The following ANO4 variants were observed in gnomAD, a reference collection of about 807,000 sequenced individuals.
The protein encoded by ANO4 is anoctamin 4.
ANO4 carries 69 observed loss-of-function variants against 141.9 expected under a neutral mutation model. That is an observed-to-expected ratio of 0.49 (90% CI 0.40 to 0.59). The LOEUF (loss-of-function observed/expected upper bound fraction) is 0.59, where lower values mean the gene tolerates loss of function less well. ANO4 is among the 20% of genes least tolerant of loss of function. The probability of loss-of-function intolerance (pLI) is 0.00; values close to 1 mark genes in which losing one functional copy is unlikely to be tolerated. For missense variants in ANO4, 894 were observed against 1,162.2 expected, an observed-to-expected ratio of 0.77 and a Z score of 3.36; for synonymous variants, 350 against 394.3, an observed-to-expected ratio of 0.89 and a Z score of 1.33.
At chr12:100,914,390 A>G (rs995874882) in intron 2 of ANO4, among the ~76,000 whole-genome samples, 4 of 152,252 alleles carry the variant, frequency 2.6e-5, no homozygotes, top group African/African-American at 9.6e-5. Context: ...TTGAGGGAAT[A>G]GCTTTAGCCT....
chr12:101,094,566 T>C (rs1329577829), intron 18 of ANO4, among the ~76,000 whole-genome samples: 1 of 152,220 alleles, frequency 6.6e-6, no homozygotes, highest in East Asian at 1.9e-4. Flanking sequence ...ATTACAAAAG[T>C]ACATTTGTAT....
chr12:101,010,455 GT>G (rs2046039067), intron 8 of ANO4, among the ~76,000 whole-genome samples: 1 of 152,100 alleles, frequency 6.6e-6, no homozygotes, highest in Non-Finnish European at 1.5e-5. Context: ...TTACCAAATA[GT>G]CAGAACTTTC....
chr12:100,982,811 T>G (rs900796980), intron 7 of ANO4, among the ~76,000 whole-genome samples: 5 of 152,252 alleles, frequency 3.3e-5, no homozygotes, highest in African/African-American at 1.2e-4. Flanking sequence ...CTAAAGGTTA[T>G]CATTAATTCA....
In ANO4 at chr12:100,971,516, G is replaced by A. The variant is rs947988222; in HGVS notation, c.557+110G>A. 8.0e-5 allele frequency: 55 copies of A among 690,184 alleles called. 1 individual carries two copies. Among genetic ancestry groups the A allele is most frequent in the African/African-American group, 1.8e-5 (1 of 55,442 alleles). 42.8% of individuals were successfully genotyped at this position (690,184 alleles called of 1,614,324 possible). On this transcript the variant is annotated intron_variant, in intron 6 of 27. Coordinates refer to ENST00000392977, the MANE Select transcript of ANO4 (RefSeq NM_001286615.2). ...AAATGCAGATTGGAAGGCCATTAGA[G>A]GAGGGAATCTTTCAAATGTTTAGGA...
At position 101,049,131 on chromosome 12, in the gene ANO4, C is replaced by A. The variant is rs146923427; in HGVS notation, c.1312+730C>A. ...GAAGATTCATGGAAGAGTAAGTGAA[C>A]AACGAGGAGAGACAAACTTTATGCT... On this transcript the variant is annotated intron_variant, in intron 14 of 27. Transcript: ENST00000392977. 4.0e-4 allele frequency among the ~76,000 whole-genome samples: 61 copies of A among 152,272 alleles called. No homozygotes were observed. In the East Asian group the frequency reaches 9.4e-3, roughly 24 times the overall value.
At chr12:100,761,306 C>T (rs2032848126) in intron 3 of ANO4, among the ~76,000 whole-genome samples, 1 of 152,068 alleles carries the variant, frequency 6.6e-6, no homozygotes, top group African/African-American at 2.4e-5. Context: ...TTAGGGGTCC[C>T]CAAGACCACT....
intron 1 of ANO4, among the ~76,000 whole-genome samples, chr12:100,891,932 T>G (rs1040439634): frequency 2.0e-5 from 3 of 152,216 alleles, no homozygotes; most frequent in African/African-American, 7.2e-5. Context: ...CCCCAGCTTT[T>G]GGTAACCGCC....
intron 3 of ANO4, among the ~76,000 whole-genome samples, chr12:100,757,073 A>C (rs549085224): frequency 1.3e-5 from 2 of 152,132 alleles, no homozygotes; most frequent in South Asian, 4.1e-4. Context: ...TGTTAGTCTG[A>C]CGGTTTTTAA....
Position 101,103,180 on chromosome 12 carries a change from ATTT to A in ANO4, c.2149+3462_2149+3464del, listed in dbSNP as rs879556849. 7.8e-3 allele frequency among the ~76,000 whole-genome samples: 151 copies of A among 19,274 alleles called. 1 individual carries two copies. The highest frequency in any genetic ancestry group is 0.033 in the African/African-American group (144 of 4,412). The allele number at this position is 19,274 out of a possible 152,430, so 12.6% of individuals were successfully genotyped here. On this transcript the variant is annotated intron_variant, in intron 22 of 27. Coordinates refer to ENST00000392977, the MANE Select transcript of ANO4 (RefSeq NM_001286615.2). ...TAACTTTACATTTTCCTTTTTAGTC[ATTT>A]TATATATATATATATATATATATAT...
At chr12:100,950,324 A>C (rs1210529295) in intron 5 of ANO4, among the ~76,000 whole-genome samples, 2 of 152,188 alleles carry the variant, frequency 1.3e-5, no homozygotes, top group African/African-American at 4.8e-5. Context: ...TGTATTACCA[A>C]GGGTCTCAAG....
chr12:100,723,787 T>C (rs2136744326), intron 1 of ANO4, among the ~76,000 whole-genome samples: 1 of 152,250 alleles, frequency 6.6e-6, no homozygotes, highest in South Asian at 2.1e-4. Flanking sequence ...AAATGCCCCA[T>C]CCCCAAATAC....
chr12:101,083,917 T>G (rs2049381990), intron 16 of ANO4, 99 bp downstream of exon 16: 4 of 1,202,094 alleles, frequency 3.3e-6, no homozygotes, highest in Non-Finnish European at 3.3e-6. Flanking sequence ...ACAAAATATT[T>G]TTGCACTTTG....
chr12:100,966,134 C>A (rs1031952457), intron 5 of ANO4, among the ~76,000 whole-genome samples: 1 of 152,132 alleles, frequency 6.6e-6, no homozygotes, highest in Non-Finnish European at 1.5e-5. Flanking sequence ...TTCCAAAATA[C>A]TGGTTTCTTA....
chr12:100,855,185 G>T (rs1004315974), intron 1 of ANO4, among the ~76,000 whole-genome samples: 5 of 151,996 alleles, frequency 3.3e-5, no homozygotes, highest in Non-Finnish European at 5.9e-5. Context: ...TGTTGTATTT[G>T]CATGCATCAT....
intron 14 of ANO4, among the ~76,000 whole-genome samples, chr12:101,069,905 T>C (rs1245719079): frequency 6.6e-6 from 1 of 152,118 alleles, no homozygotes; most frequent in Non-Finnish European, 1.5e-5. Flanking sequence ...GCTCCTTCCA[T>C]AGTGTCTGTG....
At position 100,733,854 on chromosome 12, in the gene ANO4, A is replaced by G. The variant is rs921318583; in HGVS notation, c.103A>G (p.Ile35Val). 50 of 701,192 alleles carry G rather than the reference A, an allele frequency of 7.1e-5. No individual in the cohort carries two copies. In the African/African-American group the frequency reaches 8.2e-4, roughly 12 times the overall value. 43.4% of individuals were successfully genotyped at this position (701,192 alleles called of 1,614,324 possible). The change falls in exon 2 of 30, where the codon ATA becomes GTA. Residue 35 changes from isoleucine to valine, a missense_variant. Transcript: ENST00000644049. ...CTACAGTTGTGTCAGCCAGATCACC[A>G]TAGGTGAGCACTAGTGTCATTTTGA...
intron 13 of ANO4, 161 bp from the exon 14 acceptor site, chr12:101,048,180 C>A: frequency 9.6e-7 from 1 of 1,040,604 alleles, no homozygotes; most frequent in Non-Finnish European, 1.4e-6. Context: ...TTAGAGGAAG[C>A]CTTTTCTTAT....
intron 8 of ANO4, among the ~76,000 whole-genome samples, chr12:100,994,413 G>A (rs10507126): frequency 0.083 from 12,615 of 152,132 alleles, 535 homozygotes; most frequent in Middle Eastern, 0.12. Flanking sequence ...ACTTTCTAAG[G>A]TCAATACCCA....
chr12:101,022,041 C>CAAAAAA (rs34942464), intron 9 of ANO4, among the ~76,000 whole-genome samples: 6 of 76,074 alleles, frequency 7.9e-5, no homozygotes, highest in African/African-American at 2.5e-4. Context: ...ATGACTCTGC[C>CAAAAAA]AAAAAAAAAA....
Sources: allele counts gnomAD v4.1 joint callset (sites outside exome capture counted in the v4.1 genomes callset), GRCh38; gene constraint gnomAD v4.1.1; transcripts MANE v1.5; gene names NCBI Gene and HGNC (gene_info 2026-07-23, HGNC 2026-07-21).